Variants in SYT14 observed in about 807,000 individuals in gnomAD.
SYT14 encodes synaptotagmin-14.
In SYT14, 32 loss-of-function variants were observed where a neutral mutation model predicts 74.2. That is an observed-to-expected ratio of 0.43 (90% CI 0.33 to 0.58). SYT14 has a LOEUF of 0.58. Among genes scored for constraint, SYT14 ranks in the 20% least tolerant of loss-of-function variants. SYT14 has a pLI of 0.05. For synonymous variants in SYT14, 298 were observed against 337.7 expected (o/e 0.88, Z 1.29); for missense variants, 791 against 981.8 (o/e 0.81, Z 2.60).
At chr1:209,959,401 C>T (rs1292133523) in intron 2 of SYT14, among the ~76,000 whole-genome samples, 5 of 152,076 alleles carry the variant, frequency 3.3e-5, no homozygotes, top group African/African-American at 1.2e-4. Flanking sequence ...GCCTTGGCCT[C>T]CCAAACTGTT....
chr1:210,035,950 T>C (rs2080652333), intron 5 of SYT14, among the ~76,000 whole-genome samples: 1 of 152,052 alleles, frequency 6.6e-6, no homozygotes, highest in Non-Finnish European at 1.5e-5. Context: ...AAAACGATAT[T>C]GTTATTTTGT....
intron 5 of SYT14, among the ~76,000 whole-genome samples, chr1:210,050,991 G>C (rs1300352462): frequency 6.6e-6 from 1 of 152,132 alleles, no homozygotes; most frequent in Non-Finnish European, 1.5e-5. Context: ...TGAAGATCTA[G>C]GTGTGCTTGT....
Position 210,060,709 on chromosome 1 carries a change from C to G in SYT14, c.1313-33613C>G, listed in dbSNP as rs137925949. Among the ~76,000 whole-genome samples the G allele has an allele frequency of 2.9e-3, 446 of 152,144 alleles. 2 individuals carry two copies. The highest frequency in any genetic ancestry group is 9.9e-3 in the African/African-American group (411 of 41,548). ...TATATTCAATCCATGGGCCATGCTGCTATTATTGCTGAGTGAGATCACATG... is the reference window on the plus strand; with the variant it reads ...TATATTCAATCCATGGGCCATGCTGGTATTATTGCTGAGTGAGATCACATG... On this transcript the variant is annotated intron_variant, in intron 5 of 9. Transcript: ENST00000637265.
intron 7 of SYT14, among the ~76,000 whole-genome samples, chr1:210,110,262 A>G (rs1247220919): frequency 1.3e-5 from 2 of 152,242 alleles, no homozygotes; most frequent in East Asian, 3.8e-4. Flanking sequence ...AACTTAAAGT[A>G]TAATAAAAAA....
chr1:210,166,967 G>A (rs1363377822), exon 10 of SYT14: 1 of 152,020 alleles, frequency 6.6e-6, no homozygotes, highest in Non-Finnish European at 1.5e-5. Context: ...ATTTAATAAT[G>A]AATTTCTGTA....
At chr1:209,956,038 C>A (rs2078986027) in intron 2 of SYT14, among the ~76,000 whole-genome samples, 1 of 152,100 alleles carries the variant, frequency 6.6e-6, no homozygotes, top group East Asian at 1.9e-4. Context: ...TAGTTTTCAT[C>A]TTAAAATATC....
chr1:210,139,575 C>G (rs576510709), intron 7 of SYT14, among the ~76,000 whole-genome samples: 2 of 152,058 alleles, frequency 1.3e-5, no homozygotes, highest in Non-Finnish European at 2.9e-5. Flanking sequence ...CATAGTTGTG[C>G]AGCCATCACC....
chr1:210,068,594 CTA>C (rs2081338126), intron 5 of SYT14, among the ~76,000 whole-genome samples: 1 of 151,468 alleles, frequency 6.6e-6, no homozygotes. Flanking sequence ...ATTGGATTCT[CTA>C]TTTCTTCATG....
At chr1:210,060,474 C>G (rs2081188041) in intron 5 of SYT14, among the ~76,000 whole-genome samples, 1 of 152,160 alleles carries the variant, frequency 6.6e-6, no homozygotes, top group East Asian at 1.9e-4. Flanking sequence ...TCATTTGTCT[C>G]TATGTCAGGA....
At chr1:210,027,415 C>CA (rs35720692) in intron 5 of SYT14, among the ~76,000 whole-genome samples, 16,212 of 132,680 alleles carry the variant, frequency 0.12, 1,136 homozygotes, top group Non-Finnish European at 0.16. Flanking sequence ...ACCCTGTTCC[C>CA]AAAAAAAAAA....
rs141974517 is a variant in SYT14, at chr1:210,021,097, G to T, written c.1155G>T (p.Ala385=). 1.2e-5 allele frequency: 20 copies of T among 1,613,790 alleles called. No homozygotes were observed. The highest frequency in any genetic ancestry group is 4.0e-5 in the African/African-American group (3 of 74,884). Residue 385 remains alanine (A), a synonymous_variant, in exon 5 of 10, where the codon GCG becomes GCT. Coordinates refer to ENST00000637265, the Ensembl canonical transcript of SYT14. The stretch of plus-strand genomic sequence containing the variant: ...CATCCTCTGAAAGTGAAGATGAAGC[G>T]CTGGGTAAATATCATGAGGCCTTAT...
At chr1:210,168,536 A>G (rs1383750975) in exon 10 of SYT14, 1 of 152,072 alleles carries the variant, frequency 6.6e-6, no homozygotes, top group African/African-American at 2.4e-5. Context: ...AAAATATAAT[A>G]CTCCGTTATA....
At chr1:209,953,403 G>A (rs768717953) in intron 2 of SYT14, 6 of 506,528 alleles carry the variant, frequency 1.2e-5, no homozygotes, top group South Asian at 8.0e-5. Context: ...TCCTGGGGAG[G>A]TCAGGGGAAG....
intron 1 of SYT14, among the ~76,000 whole-genome samples, chr1:209,947,319 A>G (rs1249445636): frequency 6.6e-6 from 1 of 152,204 alleles, no homozygotes; most frequent in African/African-American, 2.4e-5. Flanking sequence ...TAAATTGAAA[A>G]CTTTCTGGAA....
At chr1:210,024,799 G>T (rs79439171) in intron 5 of SYT14, among the ~76,000 whole-genome samples, 1 of 152,104 alleles carries the variant, frequency 6.6e-6, no homozygotes, top group Admixed American at 6.6e-5. Flanking sequence ...CAAAGAAACA[G>T]TAAGAGATAA....
At chr1:209,997,133 A>C (rs2079811988) in intron 2 of SYT14, among the ~76,000 whole-genome samples, 1 of 148,650 alleles carries the variant, frequency 6.7e-6, no homozygotes, top group African/African-American at 2.5e-5. Context: ...GCAAGGGAAA[A>C]ATAAAAGGCA....
At chr1:210,093,330 C>A (rs1358374747) in intron 5 of SYT14, among the ~76,000 whole-genome samples, 1 of 151,630 alleles carries the variant, frequency 6.6e-6, no homozygotes, top group Non-Finnish European at 1.5e-5. Flanking sequence ...TTCAGGGTCC[C>A]TTTTGAGAAA....
intron 7 of SYT14, among the ~76,000 whole-genome samples, chr1:210,137,246 A>T (rs2082806200): frequency 6.6e-6 from 1 of 152,164 alleles, no homozygotes; most frequent in Admixed American, 6.5e-5. Flanking sequence ...AACTCGTAGG[A>T]CACAGCCTCC....
chr1:209,949,908 C>T (rs956772036), intron 1 of SYT14, among the ~76,000 whole-genome samples: 5 of 152,022 alleles, frequency 3.3e-5, no homozygotes, highest in South Asian at 2.1e-4. Flanking sequence ...AGTGATTATT[C>T]GAGTAACTTA....
Sources: allele counts gnomAD v4.1 joint callset (sites outside exome capture counted in the v4.1 genomes callset), GRCh38; gene constraint gnomAD v4.1.1; transcripts MANE v1.5; gene names NCBI Gene and HGNC (gene_info 2026-07-23, HGNC 2026-07-21).